Variants in ABHD17C observed in about 807,000 individuals in gnomAD.
ABHD17C encodes alpha/beta hydrolase domain-containing protein 17C.
In ABHD17C, 11 loss-of-function variants were observed where a neutral mutation model predicts 27.9. That is an observed-to-expected ratio of 0.39 (90% CI 0.25 to 0.65). The LOEUF is 0.65. ABHD17C is among the 30% of genes least tolerant of loss of function. The pLI is 0.45. For missense variants in ABHD17C, 280 were observed against 470.2 expected (o/e 0.60, Z 3.74); for synonymous variants, 233 against 209.1 (o/e 1.11, Z -0.98).
intron 1 of ABHD17C, among the ~76,000 whole-genome samples, chr15:80,713,175 C>T (rs1343135772): frequency 1.3e-5 from 2 of 151,786 alleles, no homozygotes; most frequent in Non-Finnish European, 2.9e-5. Context: ...TTGCCACCCA[C>T]ATCAGCTCTC....
Position 80,712,828 on chromosome 15 carries a change from C to T in ABHD17C, c.590+16809C>T, listed in dbSNP as rs929766668. Among the ~76,000 whole-genome samples the T allele has an allele frequency of 3.3e-5, 5 of 152,248 alleles. No homozygotes were observed. In the South Asian group the frequency reaches 1.0e-3, roughly 32 times the overall value. On this transcript the variant is annotated intron_variant, in intron 1 of 2. Transcript: ENST00000258884. ...CTAAATCTATAGTTTTACTGACTGCCTATCAGCTTCATCTCCTCGGATCCA... is the reference window on the plus strand; with the variant it reads ...CTAAATCTATAGTTTTACTGACTGCTTATCAGCTTCATCTCCTCGGATCCA...
chr15:80,724,895 G>A (rs1021001279), intron 1 of ABHD17C, among the ~76,000 whole-genome samples: 7 of 152,178 alleles, frequency 4.6e-5, no homozygotes, highest in African/African-American at 1.2e-4. Flanking sequence ...GGAGAACAGA[G>A]TGACATGCTT....
chr15:80,742,585 A>G (rs1895225508), intron 1 of ABHD17C, among the ~76,000 whole-genome samples: 1 of 152,220 alleles, frequency 6.6e-6, no homozygotes, highest in African/African-American at 2.4e-5. Flanking sequence ...CACACCCAGA[A>G]ATAATGTTTT....
chr15:80,754,109 T>TA, intron 2 of ABHD17C, 42 bp from the exon 3 acceptor site: 1 of 1,458,614 alleles, frequency 6.9e-7, no homozygotes, highest in Non-Finnish European at 9.6e-7. Context: ...TGAGCATAAC[T>TA]AATGGAGTCC....
At chr15:80,699,893 G>A (rs1894547604) in intron 1 of ABHD17C, among the ~76,000 whole-genome samples, 1 of 152,314 alleles carries the variant, frequency 6.6e-6, no homozygotes, top group East Asian at 1.9e-4. Flanking sequence ...GAGCATGATG[G>A]AGAGCCCCAA....
intron 1 of ABHD17C, among the ~76,000 whole-genome samples, chr15:80,732,186 A>G (rs998490848): frequency 6.6e-6 from 1 of 152,200 alleles, no homozygotes; most frequent in Admixed American, 6.5e-5. Flanking sequence ...TACACACGAG[A>G]GAACGGACAC....
intron 1 of ABHD17C, among the ~76,000 whole-genome samples, chr15:80,697,145 C>T (rs1596056486): frequency 6.6e-6 from 1 of 152,106 alleles, no homozygotes; most frequent in East Asian, 1.9e-4. Context: ...GACTCCTTGC[C>T]TGTCTGGGAA....
chr15:80,696,480 T>C (rs1894496724), intron 1 of ABHD17C, among the ~76,000 whole-genome samples: 1 of 152,218 alleles, frequency 6.6e-6, no homozygotes, highest in African/African-American at 2.4e-5. Context: ...GGATGGCCTC[T>C]AAAAGACTTT....
chr15:80,750,770 G>A (rs1032849484), intron 2 of ABHD17C, among the ~76,000 whole-genome samples: 8 of 151,976 alleles, frequency 5.3e-5, no homozygotes, highest in African/African-American at 1.9e-4. Flanking sequence ...TCTCAAATGT[G>A]GCCTTATTTG....
intron 1 of ABHD17C, among the ~76,000 whole-genome samples, chr15:80,701,553 C>T (rs1051790410): frequency 5.3e-5 from 8 of 151,842 alleles, no homozygotes; most frequent in Non-Finnish European, 7.4e-5. Flanking sequence ...GTGGCAGGCA[C>T]CTATAATCCC....
At chr15:80,739,286 T>G (rs1895174112) in intron 1 of ABHD17C, among the ~76,000 whole-genome samples, 1 of 152,230 alleles carries the variant, frequency 6.6e-6, no homozygotes, top group Admixed American at 6.5e-5. Context: ...TCATCCTGAC[T>G]GCCAGGTTCC....
At position 80,695,404 on chromosome 15, in the gene ABHD17C, C is replaced by A; in HGVS notation, c.-26C>A. On this transcript the variant is annotated 5_prime_UTR_variant, in exon 1 of 3. Transcript: ENST00000258884. The surrounding 1 kb of genome is among the most constrained non-coding windows in gnomAD (Gnocchi z 4.3). ...CCAGCCAGCCAGCCAGCCAGCCGGGCCGGCGGCGGGCACCAGGCCGTCCCG... is the reference window on the plus strand; with the variant it reads ...CCAGCCAGCCAGCCAGCCAGCCGGGACGGCGGCGGGCACCAGGCCGTCCCG... The A allele has an allele frequency of 8.3e-7, 1 of 1,201,770 alleles. No individual in the cohort carries two copies. 74.4% of individuals were successfully genotyped at this position (1,201,770 alleles called of 1,614,324 possible).
intron 1 of ABHD17C, among the ~76,000 whole-genome samples, chr15:80,740,298 C>G (rs1196408529): frequency 6.6e-6 from 1 of 152,072 alleles, no homozygotes; most frequent in Non-Finnish European, 1.5e-5. Flanking sequence ...AACACATGTC[C>G]CAAGAGTTTT....
chr15:80,702,028 T>A (rs1356844379), intron 1 of ABHD17C, among the ~76,000 whole-genome samples: 2 of 152,180 alleles, frequency 1.3e-5, no homozygotes, highest in Non-Finnish European at 2.9e-5. Flanking sequence ...TACTTACCCG[T>A]GGTTCTGTTT....
intron 1 of ABHD17C, among the ~76,000 whole-genome samples, chr15:80,699,220 A>G (rs1894538202): frequency 6.6e-6 from 1 of 152,244 alleles, no homozygotes; most frequent in African/African-American, 2.4e-5. Flanking sequence ...GGGCAGGGAC[A>G]CTATGTCTTC....
intron 1 of ABHD17C, among the ~76,000 whole-genome samples, chr15:80,699,517 A>G (rs1212630046): frequency 1.3e-5 from 2 of 152,122 alleles, no homozygotes; most frequent in East Asian, 3.8e-4. Context: ...TATTGAAGAG[A>G]AGAACAATAC....
In ABHD17C at chr15:80,749,546, T is replaced by C. The variant is rs1420797822; in HGVS notation, c.624T>C (p.Tyr208=). 1.7e-5 allele frequency: 27 copies of C among 1,613,962 alleles called. No individual in the cohort carries two copies. The highest frequency in any genetic ancestry group is 2.2e-5 in the East Asian group (1 of 44,876). Residue 208 remains tyrosine, a synonymous_variant, in exon 2 of 3, where the codon TAT becomes TAC. Coordinates refer to ENST00000258884, the MANE Select transcript of ABHD17C (RefSeq NM_021214.2). Reference sequence around the variant, plus strand: ...TGAGTCCCGAGAACATTATCCTCTATGGTCAGAGCATTGGGACTGTCCCCA... The same window carrying C: ...TGAGTCCCGAGAACATTATCCTCTACGGTCAGAGCATTGGGACTGTCCCCA... ...YGVSPENIIL[Y]GQSIGTVPTV...
At chr15:80,752,871 T>C (rs1310447114) in intron 2 of ABHD17C, among the ~76,000 whole-genome samples, 1 of 152,238 alleles carries the variant, frequency 6.6e-6, no homozygotes, top group Non-Finnish European at 1.5e-5. Flanking sequence ...TTGGATATGC[T>C]TTCAGAGCCT....
chr15:80,726,501 G>GT (rs10572505), intron 1 of ABHD17C, among the ~76,000 whole-genome samples: 1,003 of 94,446 alleles, frequency 0.011, 165 homozygotes, highest in African/African-American at 0.047. Flanking sequence ...TCTTTTTCTG[G>GT]TTTTTTTTTT....
Sources: gnomAD v4.1 joint callset for allele counts (sites outside exome capture counted in the v4.1 genomes callset) on GRCh38, gnomAD v4.1.1 for gene constraint, Gnocchi (gnomAD v3.1) non-coding constraint, MANE v1.5 for transcripts, NCBI Gene and HGNC (gene_info 2026-07-23, HGNC 2026-07-21) for gene names.